Variants in CFAP20DC observed in about 807,000 individuals in gnomAD.
CFAP20DC encodes the protein protein CFAP20DC.
Under a neutral mutation model 101.7 loss-of-function variants are expected in CFAP20DC, and 84 were observed. The ratio of observed to expected loss-of-function variants is 0.83; its 90% CI spans 0.69 to 0.99. The LOEUF is 0.99. CFAP20DC is among the 50% of genes least tolerant of loss of function. CFAP20DC has a pLI of 0.00. For missense variants in CFAP20DC, 1,007 were observed against 970.3 expected (o/e 1.04, Z -0.50); for synonymous variants, 359 against 351.2 (o/e 1.02, Z -0.25).
intron 12 of CFAP20DC, chr3:58,862,224 T>C (rs1439934912): frequency 2.0e-6 from 2 of 985,150 alleles, no homozygotes; most frequent in Non-Finnish European, 2.4e-6. Flanking sequence ...GTGCTGTGCA[T>C]ATGGGAAGGG....
intron 13 of CFAP20DC, among the ~76,000 whole-genome samples, chr3:58,845,757 A>G (rs1374959222): frequency 1.3e-5 from 2 of 149,870 alleles, no homozygotes; most frequent in Non-Finnish European, 3.0e-5. Context: ...TGATGCAAAA[A>G]TCCTCAATAA....
At chr3:58,999,410 G>A (rs2093240749) in intron 4 of CFAP20DC, among the ~76,000 whole-genome samples, 1 of 152,182 alleles carries the variant, frequency 6.6e-6, no homozygotes, top group Admixed American at 6.5e-5. Context: ...GAGGCCCACT[G>A]AGTAACAGGA....
chr3:58,922,835 T>A (rs2085536131), intron 5 of CFAP20DC, among the ~76,000 whole-genome samples: 1 of 152,184 alleles, frequency 6.6e-6, no homozygotes, highest in African/African-American at 2.4e-5. Flanking sequence ...TCATTAGGGT[T>A]TGCAATGTGG....
chr3:58,755,257 T>C (rs1031629955), intron 15 of CFAP20DC, among the ~76,000 whole-genome samples: 7 of 152,146 alleles, frequency 4.6e-5, no homozygotes, highest in African/African-American at 9.7e-5. Context: ...TGCTGTGTAA[T>C]TGAATTTCAT....
chr3:58,853,211 C>T (rs1433395363), intron 12 of CFAP20DC, among the ~76,000 whole-genome samples: 10 of 152,238 alleles, frequency 6.6e-5, no homozygotes, highest in South Asian at 2.1e-4. Flanking sequence ...AACACCTCTA[C>T]GCAAATAAAC....
intron 4 of CFAP20DC, among the ~76,000 whole-genome samples, chr3:59,005,524 C>T (rs932414862): frequency 6.6e-6 from 1 of 152,182 alleles, no homozygotes; most frequent in South Asian, 2.1e-4. Flanking sequence ...TAAAGTGTAC[C>T]ATGTGTAAAT....
intron 4 of CFAP20DC, among the ~76,000 whole-genome samples, chr3:59,036,245 A>G (rs1347411483): frequency 6.6e-6 from 1 of 152,172 alleles, no homozygotes; most frequent in Non-Finnish European, 1.5e-5. Context: ...GCACAAGACA[A>G]GGATGCCCTC....
Position 59,049,807 on chromosome 3 carries a change from G to A in CFAP20DC, c.-176C>T. 1 of 700,936 alleles carries A rather than the reference G, an allele frequency of 1.4e-6. No homozygotes were observed. Among genetic ancestry groups the A allele is most frequent in the Non-Finnish European group, 2.3e-6 (1 of 429,030 alleles). 43.4% of individuals were successfully genotyped at this position (700,936 alleles called of 1,614,324 possible). ...TCTCAGCCCCTCCGGCCCCTGGTCAGCTCCATCTCCCGCCCTCCATCAGCA... is the reference window on the plus strand; with the variant it reads ...TCTCAGCCCCTCCGGCCCCTGGTCAACTCCATCTCCCGCCCTCCATCAGCA... On this transcript the variant is annotated 5_prime_UTR_variant, in exon 1 of 17. Coordinates refer to ENST00000482387, the MANE Select transcript of CFAP20DC (RefSeq NM_001394063.1).
chr3:59,030,187 G>C (rs557326513), intron 4 of CFAP20DC, among the ~76,000 whole-genome samples: 1 of 152,306 alleles, frequency 6.6e-6, no homozygotes, highest in South Asian at 2.1e-4. Flanking sequence ...GCTTGTTAGA[G>C]AAATGTATTA....
intron 15 of CFAP20DC, among the ~76,000 whole-genome samples, chr3:58,766,442 G>A (rs2070320779): frequency 6.6e-6 from 1 of 152,122 alleles, no homozygotes; most frequent in Admixed American, 6.5e-5. Context: ...CAAGGTCTAA[G>A]CAACTATCTT....
chr3:58,855,218 C>T (rs1449141952), intron 12 of CFAP20DC, among the ~76,000 whole-genome samples: 1 of 152,010 alleles, frequency 6.6e-6, no homozygotes, highest in Non-Finnish European at 1.5e-5. Context: ...TTAATGCAGC[C>T]AAAAAACACA....
At chr3:58,851,990 C>G (rs1053631015) in intron 12 of CFAP20DC, among the ~76,000 whole-genome samples, 3 of 152,146 alleles carry the variant, frequency 2.0e-5, no homozygotes, top group Admixed American at 6.5e-5. Flanking sequence ...TTATAATAAG[C>G]AGATGTTCTT....
intron 14 of CFAP20DC, among the ~76,000 whole-genome samples, chr3:58,810,552 T>C (rs1479885976): frequency 2.6e-5 from 4 of 151,662 alleles, no homozygotes; most frequent in Non-Finnish European, 5.9e-5. Flanking sequence ...TGGGACGTAT[T>C]TCAAAATAAT....
chr3:58,815,176 C>G (rs1419910341), intron 14 of CFAP20DC, among the ~76,000 whole-genome samples: 3 of 151,632 alleles, frequency 2.0e-5, no homozygotes, highest in Non-Finnish European at 1.5e-5. Context: ...ATCAATGGAA[C>G]AGAACACAGC....
intron 4 of CFAP20DC, chr3:58,953,886 T>C (rs1371948744): frequency 1.3e-5 from 2 of 152,132 alleles, no homozygotes; most frequent in African/African-American, 4.8e-5. Context: ...GATTCATTTT[T>C]AAAAAACACC....
At chr3:58,804,432 G>A (rs1337168255) in intron 15 of CFAP20DC, among the ~76,000 whole-genome samples, 2 of 148,408 alleles carry the variant, frequency 1.3e-5, no homozygotes, top group Non-Finnish European at 3.0e-5. Flanking sequence ...GTGTGATCTC[G>A]GCCCACTGTA....
At chr3:58,751,866 C>A (rs960141920) in intron 16 of CFAP20DC, among the ~76,000 whole-genome samples, 1 of 131,906 alleles carries the variant, frequency 7.6e-6, no homozygotes, top group African/African-American at 2.9e-5. Flanking sequence ...CACACACACA[C>A]AAAATTTCCT....
chr3:59,024,714 A>G (rs980570021), intron 4 of CFAP20DC, among the ~76,000 whole-genome samples: 55 of 152,290 alleles, frequency 3.6e-4, no homozygotes, highest in African/African-American at 1.2e-3. Flanking sequence ...TACCCAACTT[A>G]TCAAAGCCAA....
In CFAP20DC at chr3:58,742,473, T is replaced by C. The variant is rs765102168; in HGVS notation, c.2432A>G (p.Tyr811Cys). The change falls in exon 17 of 17, where the codon TAT becomes TGT. Residue 811 changes from tyrosine (Y) to cysteine (C), a missense_variant. Transcript: ENST00000482387. ...CYFDPQTGKYYELV is the reference protein window; with the variant it reads ...CYFDPQTGKYCELV ...CGGAAGGAGGCATTATACCAACTCA[T>C]AGTATTTCCCTGTTTGGGGGTCAAA... 2.4e-5 allele frequency: 39 copies of C among 1,604,076 alleles called. No individual in the cohort carries two copies. Among genetic ancestry groups the C allele is most frequent in the Admixed American group, 1.4e-4 (8 of 58,636 alleles).
Sources: gnomAD v4.1 joint callset for allele counts (sites outside exome capture counted in the v4.1 genomes callset) on GRCh38, gnomAD v4.1.1 for gene constraint, MANE v1.5 for transcripts, NCBI Gene and HGNC (gene_info 2026-07-23, HGNC 2026-07-21) for gene names.